The following RADIL variants were observed in gnomAD, a reference collection of about 807,000 sequenced individuals.
RADIL encodes the protein ras-associating and dilute domain-containing protein.
RADIL carries 99 observed loss-of-function variants against 97.6 expected under a neutral mutation model. The observed-to-expected ratio is 1.01, with a 90% CI of 0.86 to 1.20. The LOEUF (loss-of-function observed/expected upper bound fraction) is 1.20. RADIL is among the 50% of genes most tolerant of loss of function. The pLI is 0.00. For synonymous variants in RADIL, 803 were observed against 691.8 expected (o/e 1.16, Z -2.52); for missense variants, 1,765 against 1,498.9 (o/e 1.18, Z -2.93).
rs937328401 is a variant in RADIL, at chr7:4,819,652, A to C, written c.1616-2301T>G. Among the ~76,000 whole-genome samples, 9 of 152,168 alleles carry C rather than the reference A, an allele frequency of 5.9e-5. No homozygotes were observed. Among genetic ancestry groups the C allele is most frequent in the Non-Finnish European group, 1.0e-4 (7 of 68,030 alleles). On this transcript the variant is annotated intron_variant, in intron 6 of 14. Transcript: ENST00000399583. This position sits in a 1 kb window ranked among gnomAD's most constrained non-coding sequence, Gnocchi z 5.8. Reference sequence around the variant, plus strand: ...ACAAAACAGTGTTTGCGGAATGACAACAGCCACGTGACCCACCCTCGGGAC... The same window carrying C: ...ACAAAACAGTGTTTGCGGAATGACACCAGCCACGTGACCCACCCTCGGGAC...
Position 4,803,738 on chromosome 7 carries a change from G to C in RADIL, c.2307C>G (p.Ser769=). 1.3e-6 allele frequency: 2 copies of C among 1,564,428 alleles called. No individual in the cohort carries two copies. The highest frequency in any genetic ancestry group is 1.7e-6 in the Non-Finnish European group (2 of 1,155,172). ...EAFRSEDVLE[S]YENPPPIVLP... is the part of the protein sequence containing the mutation. ...GGACGATGGGTGGGGGGTTTTCGTAGGACTCCAGAACATCCTCTGCAGGGG... is the reference window on the plus strand; with the variant it reads ...GGACGATGGGTGGGGGGTTTTCGTACGACTCCAGAACATCCTCTGCAGGGG... The change falls in exon 11 of 15, where the codon TCC becomes TCG. Residue 769 remains serine, a synonymous_variant. Transcript: ENST00000399583.
chr7:4,857,194 T>TAAAGATAAAGATAAAGATAAATGATAAA (rs1176696599), intron 2 of RADIL, among the ~76,000 whole-genome samples: 2 of 152,254 alleles, frequency 1.3e-5, no homozygotes, highest in East Asian at 3.8e-4. Context: ...TTCCTGATGC[T>TAAAGATAAAGATAAAGATAAATGATAAA]GTAGGACTTC....
At chr7:4,820,148 G>A (rs932908393) in intron 6 of RADIL, among the ~76,000 whole-genome samples, 20 of 152,234 alleles carry the variant, frequency 1.3e-4, no homozygotes, top group African/African-American at 4.3e-4. Flanking sequence ...CCTGTCACAC[G>A]GAAGGACCAA....
chr7:4,820,425 G>C (rs937167836), intron 6 of RADIL, among the ~76,000 whole-genome samples: 1 of 152,224 alleles, frequency 6.6e-6, no homozygotes, highest in Non-Finnish European at 1.5e-5. Flanking sequence ...CAGAGGAAAG[G>C]TCTACCCTAG....
chr7:4,797,221 G>C lies in RADIL; in HGVS notation c.*2157C>G, dbSNP rs550951327. On this transcript the variant is annotated 3_prime_UTR_variant, in exon 15 of 15. Transcript: ENST00000399583. ...CCGCACCTCAGCTAGGTGCTTCAGC[G>C]GCCAGAGGCTAGCTGGGCCTCCCCG... 1 of 152,268 alleles carries C rather than the reference G, an allele frequency of 6.6e-6. No homozygotes were observed. Among genetic ancestry groups the C allele is most frequent in the African/African-American group, 2.4e-5 (1 of 41,470 alleles). The allele number at this position is 152,268 out of a possible 1,614,324, so 9.4% of individuals were successfully genotyped here. A position where few individuals can be genotyped will look rare whatever the true frequency, so the allele number is the denominator to read the frequency against.
chr7:4,822,383 G>A lies in RADIL; in HGVS notation c.1615+11C>T, dbSNP rs764608343. The A allele has an allele frequency of 1.7e-5, 27 of 1,601,088 alleles. No homozygotes were observed. The highest frequency in any genetic ancestry group is 2.0e-5 in the Non-Finnish European group (23 of 1,175,416). On this transcript the variant is annotated intron_variant, in intron 6 of 14. Transcript: ENST00000399583. This position sits in a 1 kb window ranked among gnomAD's most constrained non-coding sequence, Gnocchi z 5.3. ...GCTGGCGGGGGGAATGGAGGGCAGC[G>A]CCAGCCGTACCTGTGATGTCCAGCT...
chr7:4,802,662 T>TG (rs1488634169), intron 11 of RADIL, among the ~76,000 whole-genome samples: 1 of 111,370 alleles, frequency 9.0e-6, no homozygotes, highest in African/African-American at 3.5e-5. Flanking sequence ...GCACTCTGGC[T>TG]GGGGGGCCCC....
intron 5 of RADIL, among the ~76,000 whole-genome samples, chr7:4,825,684 T>C (rs1280333752): frequency 6.6e-6 from 1 of 151,846 alleles, no homozygotes; most frequent in Non-Finnish European, 1.5e-5. Context: ...AAGACCAGCC[T>C]GACCAACATG....
chr7:4,865,728 G>A (rs1004611035), intron 2 of RADIL: 51 of 1,072,622 alleles, frequency 4.8e-5, no homozygotes, highest in Non-Finnish European at 7.2e-5. Flanking sequence ...CGGGGTGGGT[G>A]CAATCAAGAG....
At chr7:4,858,072 T>G (rs996251034) in intron 2 of RADIL, 3 of 152,572 alleles carry the variant, frequency 2.0e-5, no homozygotes, top group African/African-American at 7.2e-5. Context: ...TTGTGCACAC[T>G]TCACCCGATT....
Position 4,849,093 on chromosome 7 carries a change from G to A in RADIL, c.536-12488C>T, listed in dbSNP as rs548639338. Among the ~76,000 whole-genome samples the A allele has an allele frequency of 3.3e-5, 5 of 151,106 alleles. No individual in the cohort carries two copies. Among genetic ancestry groups the A allele is most frequent in the South Asian group, 2.1e-4 (1 of 4,792 alleles). ...GCAGAGGTTGTGGTGAGCCGAGATC[G>A]TGCCATTGCACTCCAGCCTGGGCAA... On this transcript the variant is annotated intron_variant, in intron 2 of 14. Transcript: ENST00000399583. This position sits in a 1 kb window ranked among gnomAD's most constrained non-coding sequence, Gnocchi z 5.4.
At chr7:4,856,454 A>G (rs1265056981) in intron 2 of RADIL, among the ~76,000 whole-genome samples, 2 of 152,124 alleles carry the variant, frequency 1.3e-5, no homozygotes, top group South Asian at 4.1e-4. Context: ...CCCTTAATAT[A>G]TTCTGGATAG....
At position 4,822,271 on chromosome 7, in the gene RADIL, A is replaced by T. The variant is rs2306918; in HGVS notation, c.1615+123T>A. The T allele has an allele frequency of 2.4e-4, 297 of 1,241,448 alleles. 4 individuals carry two copies. In the East Asian group the frequency reaches 7.5e-3, roughly 31 times the overall value. The allele number at this position is 1,241,448 out of a possible 1,614,324, so 76.9% of individuals were successfully genotyped here. A position where few individuals can be genotyped will look rare whatever the true frequency, so the allele number is the denominator to read the frequency against. ...ACACATGGCAGCCTAGGGACTGAGGAAGCCCCCGGCATGAATCCACCCCTG... is the reference window on the plus strand; with the variant it reads ...ACACATGGCAGCCTAGGGACTGAGGTAGCCCCCGGCATGAATCCACCCCTG... On this transcript the variant is annotated intron_variant, in intron 6 of 14. Coordinates refer to ENST00000399583, the MANE Select transcript of RADIL (RefSeq NM_018059.5). This position sits in a 1 kb window ranked among gnomAD's most constrained non-coding sequence, Gnocchi z 5.3.
chr7:4,848,124 G>A (rs1783619994), intron 2 of RADIL, among the ~76,000 whole-genome samples: 1 of 151,620 alleles, frequency 6.6e-6, no homozygotes, highest in South Asian at 2.1e-4. Context: ...TTGAACCTGG[G>A]AGATGGTGGA....
chr7:4,805,472 C>T (rs563233811), intron 10 of RADIL, 94 bp downstream of exon 10: 265 of 1,424,970 alleles, frequency 1.9e-4, no homozygotes, highest in Non-Finnish European at 2.4e-4. Flanking sequence ...CCCCCACACC[C>T]CACTTCAGTT....
intron 10 of RADIL, among the ~76,000 whole-genome samples, chr7:4,804,524 C>T (rs906633439): frequency 1.2e-4 from 18 of 152,228 alleles, no homozygotes; most frequent in Admixed American, 9.8e-4. Flanking sequence ...TGGCGGCTCA[C>T]GCCTGTAATC....
rs965084959 is a variant in RADIL at position 4,867,063 on chromosome 7, G to A, written c.535+10542C>T. The stretch of plus-strand genomic sequence containing the variant: ...ACAGAAGCCCTCACCAGAAGCCAGG[G>A]CCGTGCCCTGGAACTTCTCAGCCTG... On this transcript the variant is annotated intron_variant, in intron 2 of 14. Transcript: ENST00000399583. This position sits in a 1 kb window ranked among gnomAD's most constrained non-coding sequence, Gnocchi z 4.1. Among the ~76,000 whole-genome samples, 2 of 152,080 alleles carry A rather than the reference G, an allele frequency of 1.3e-5. No individual in the cohort carries two copies. Among genetic ancestry groups the A allele is most frequent in the African/African-American group, 2.4e-5 (1 of 41,408 alleles).
In RADIL at chr7:4,849,870, C is replaced by G. The variant is rs1471690524; in HGVS notation, c.536-13265G>C. On this transcript the variant is annotated intron_variant, in intron 2 of 14. Transcript: ENST00000399583. This position sits in a 1 kb window ranked among gnomAD's most constrained non-coding sequence, Gnocchi z 5.4. ...CAGCTTAAGTACAAAAATAAAAATCCTAGGTAATAAGAAAGTATTATGTCC... is the reference window on the plus strand; with the variant it reads ...CAGCTTAAGTACAAAAATAAAAATCGTAGGTAATAAGAAAGTATTATGTCC... 3.3e-5 allele frequency among the ~76,000 whole-genome samples: 5 copies of G among 152,026 alleles called. No individual in the cohort carries two copies. Among genetic ancestry groups the G allele is most frequent in the Admixed American group, 1.3e-4 (2 of 15,262 alleles).
intron 2 of RADIL, among the ~76,000 whole-genome samples, chr7:4,876,825 G>A (rs887764995): frequency 7.2e-5 from 11 of 152,180 alleles, no homozygotes; most frequent in African/African-American, 1.7e-4. Flanking sequence ...CCACAGACCC[G>A]CGGTACGCTG....
Sources: gnomAD v4.1 joint callset for allele counts (sites outside exome capture counted in the v4.1 genomes callset) on GRCh38, gnomAD v4.1.1 for gene constraint, Gnocchi (gnomAD v3.1) non-coding constraint, MANE v1.5 for transcripts, NCBI Gene and HGNC (gene_info 2026-07-23, HGNC 2026-07-21) for gene names.